The following APP variants were observed in gnomAD, a reference collection of about 807,000 sequenced individuals.
APP encodes the protein amyloid beta precursor protein.
Under a neutral mutation model 101.4 loss-of-function variants are expected in APP, and 31 were observed. The observed-to-expected ratio is 0.31, with a 90% confidence interval of 0.23 to 0.41. The LOEUF (loss-of-function observed/expected upper bound fraction) is 0.41, where lower values mean the gene tolerates loss of function less well. Ranked by LOEUF, APP falls within the 10% of genes least tolerant of loss-of-function variation. The pLI is 1.00. For synonymous variants in APP, 366 were observed against 364.4 expected, an observed-to-expected ratio of 1.00 and a Z score of -0.05; for missense variants, 839 against 1,003.7, an observed-to-expected ratio of 0.84 and a Z score of 2.22.
chr21:26,027,592 T>G (rs999930180), intron 5 of APP, among the ~76,000 whole-genome samples: 4 of 152,064 alleles, frequency 2.6e-5, no homozygotes, highest in Non-Finnish European at 4.4e-5. Flanking sequence ...GAATTAAATA[T>G]GAAAACAAGC....
At chr21:26,092,568 C>G (rs1353470608) in intron 2 of APP, among the ~76,000 whole-genome samples, 1 of 152,136 alleles carries the variant, frequency 6.6e-6, no homozygotes, top group Non-Finnish European at 1.5e-5. Context: ...ATTTTTAGGG[C>G]AGTGAAACTA....
chr21:25,883,205 C>T (rs956328303), intron 17 of APP, among the ~76,000 whole-genome samples: 5 of 152,126 alleles, frequency 3.3e-5, no homozygotes, highest in Non-Finnish European at 7.4e-5. Context: ...GAGTTTGAGA[C>T]CAGCCTGGCC....
At chr21:25,940,313 T>C (rs1254912153) in intron 13 of APP, among the ~76,000 whole-genome samples, 2 of 152,244 alleles carry the variant, frequency 1.3e-5, no homozygotes, top group South Asian at 2.1e-4. Flanking sequence ...TCCACAGATA[T>C]GCCAGTGTAT....
chr21:26,119,772 T>C (rs1192056907), intron 1 of APP, among the ~76,000 whole-genome samples: 1 of 152,124 alleles, frequency 6.6e-6, no homozygotes, highest in Non-Finnish European at 1.5e-5. Context: ...TAAGATCTCA[T>C]TCTAGAATTA....
At chr21:26,053,979 GAT>G (rs1354589269) in intron 3 of APP, among the ~76,000 whole-genome samples, 1 of 152,124 alleles carries the variant, frequency 6.6e-6, no homozygotes, top group Non-Finnish European at 1.5e-5. Flanking sequence ...AAGATATAAA[GAT>G]ATTACATAAA....
At chr21:25,950,885 G>A (rs2041045574) in intron 13 of APP, among the ~76,000 whole-genome samples, 1 of 152,054 alleles carries the variant, frequency 6.6e-6, no homozygotes, top group Non-Finnish European at 1.5e-5. Flanking sequence ...GGAGAGGAAG[G>A]CATCATGGAT....
Position 26,162,004 on chromosome 21 carries a change from T to G in APP, c.57+8560A>C, listed in dbSNP as rs542618882. On this transcript the variant is annotated intron_variant, in intron 1 of 17. Coordinates refer to ENST00000346798, the MANE Select transcript of APP (RefSeq NM_000484.4). ...TTCTATGAGCCTATCAATTCAATTA[T>G]AAACAAAATAACTGAGTAATGATAT... Among the ~76,000 whole-genome samples, 17 of 152,308 alleles carry G rather than the reference T, an allele frequency of 1.1e-4. No individual in the cohort carries two copies. In the East Asian group the frequency reaches 3.3e-3, roughly 29 times the overall value.
chr21:25,898,837 T>A (rs2038252297), intron 15 of APP, among the ~76,000 whole-genome samples: 1 of 152,168 alleles, frequency 6.6e-6, no homozygotes, highest in African/African-American at 2.4e-5. Flanking sequence ...CCCAGGGGAA[T>A]TCACTTCCTG....
At chr21:26,040,809 G>A (rs2045341527) in intron 5 of APP, among the ~76,000 whole-genome samples, 1 of 151,932 alleles carries the variant, frequency 6.6e-6, no homozygotes. Context: ...TAGAGTTTAA[G>A]CTAATGAAGA....
chr21:26,034,130 C>T (rs926736991), intron 5 of APP, among the ~76,000 whole-genome samples: 1 of 152,140 alleles, frequency 6.6e-6, no homozygotes, highest in Non-Finnish European at 1.5e-5. Context: ...AGATAATAGA[C>T]CAGATGCCCA....
intron 11 of APP, among the ~76,000 whole-genome samples, chr21:25,971,709 G>A (rs1239785464): frequency 6.6e-6 from 1 of 152,212 alleles, no homozygotes; most frequent in East Asian, 1.9e-4. Context: ...CATTAACAGT[G>A]CTTGGTGTTC....
chr21:26,078,075 G>C (rs1466013195), intron 3 of APP, among the ~76,000 whole-genome samples: 1 of 151,982 alleles, frequency 6.6e-6, no homozygotes, highest in Non-Finnish European at 1.5e-5. Flanking sequence ...ATGCTTATTT[G>C]TGTACCTGAA....
At chr21:26,064,768 G>A (rs2046396468) in intron 3 of APP, among the ~76,000 whole-genome samples, 1 of 152,174 alleles carries the variant, frequency 6.6e-6, no homozygotes, top group South Asian at 2.1e-4. Flanking sequence ...AGGAGATGAG[G>A]GCTCAGATGT....
At chr21:26,052,136 ATTTTC>A (rs961664696) in intron 4 of APP, among the ~76,000 whole-genome samples, 46 of 152,338 alleles carry the variant, frequency 3.0e-4, no homozygotes, top group African/African-American at 1.1e-3. Context: ...CTTCAGTGGT[ATTTTC>A]TGTCTAACAG....
rs189380536 is a variant in APP, at chr21:26,163,472, A to T, written c.57+7092T>A. ...ATTAATTTACAAAACAGGCTTATTC[A>T]TCTTTTCCCTTTTCCAAAATGTTTG... On this transcript the variant is annotated intron_variant, in intron 1 of 17. Transcript: ENST00000346798. Among the ~76,000 whole-genome samples, 472 of 152,244 alleles carry T rather than the reference A, an allele frequency of 3.1e-3. 3 individuals carry two copies. Among genetic ancestry groups the T allele is most frequent in the Non-Finnish European group, 5.3e-3 (363 of 68,014 alleles).
At chr21:25,917,760 G>T (rs1032657500) in intron 13 of APP, among the ~76,000 whole-genome samples, 4 of 151,894 alleles carry the variant, frequency 2.6e-5, no homozygotes, top group South Asian at 2.1e-4. Flanking sequence ...GCTCTGATCT[G>T]AATCTATCCA....
intron 5 of APP, among the ~76,000 whole-genome samples, chr21:26,022,660 G>A (rs2044393443): frequency 6.6e-6 from 1 of 152,162 alleles, no homozygotes; most frequent in Admixed American, 6.5e-5. Flanking sequence ...TCTGAAAAAT[G>A]TAGTCCATTA....
chr21:26,052,135 T>C (rs894145777), intron 4 of APP, among the ~76,000 whole-genome samples: 4 of 152,226 alleles, frequency 2.6e-5, no homozygotes, highest in African/African-American at 9.6e-5. Context: ...TCTTCAGTGG[T>C]ATTTTCTGTC....
intron 1 of APP, among the ~76,000 whole-genome samples, chr21:26,113,266 C>T (rs1238931011): frequency 1.3e-5 from 2 of 152,240 alleles, no homozygotes; most frequent in East Asian, 1.9e-4. Context: ...GGTGATTCCA[C>T]GATAACTTGT....
Sources: gnomAD v4.1 joint callset for allele counts (sites outside exome capture counted in the v4.1 genomes callset) on GRCh38, gnomAD v4.1.1 for gene constraint, MANE v1.5 for transcripts, NCBI Gene and HGNC (gene_info 2026-07-23, HGNC 2026-07-21) for gene names.